The following PERP variants were observed in gnomAD, a reference collection of about 807,000 sequenced individuals.
PERP encodes p53 apoptosis effector related to PMP-22.
A neutral mutation model predicts 20.3 loss-of-function variants in PERP; 11 were observed. The ratio of observed to expected loss-of-function variants is 0.54; its 90% CI spans 0.34 to 0.90. The LOEUF is 0.90. PERP is among the 40% of genes least tolerant of loss of function. The pLI is 0.02. For missense variants in PERP, 224 were observed against 249.4 expected (o/e 0.90, Z 0.69); for synonymous variants, 101 against 102.0 (o/e 0.99, Z 0.06).
At position 138,107,416 on chromosome 6, in the gene PERP, G is replaced by A; in HGVS notation, c.-76C>T. 10 of 1,218,638 alleles carry A rather than the reference G, an allele frequency of 8.2e-6. No individual in the cohort carries two copies. The highest frequency in any genetic ancestry group is 2.4e-5 in the South Asian group (1 of 41,646). 75.5% of individuals were successfully genotyped at this position (1,218,638 alleles called of 1,614,324 possible). ...AGCGCGCGGGACGGGCGACAGCAGA[G>A]AGTGGCCTGCGAGCGCGGGCGCCGC... On this transcript the variant is annotated 5_prime_UTR_variant, in exon 1 of 3. Coordinates refer to ENST00000421351, the MANE Select transcript of PERP (RefSeq NM_022121.5). This position sits in a 1 kb window ranked among gnomAD's most constrained non-coding sequence, Gnocchi z 4.8.
rs746907383 is a variant in PERP at position 138,107,103 on chromosome 6, A to ACGG, written c.214+21_214+23dup. The ACGG allele has an allele frequency of 4.5e-6, 7 of 1,572,610 alleles. No individual in the cohort carries two copies. The highest frequency in any genetic ancestry group is 2.7e-5 in the African/African-American group (2 of 73,450). On this transcript the variant is annotated intron_variant, in intron 1 of 2. Coordinates refer to ENST00000421351, the MANE Select transcript of PERP (RefSeq NM_022121.5). The surrounding 1 kb of genome is among the most constrained non-coding windows in gnomAD (Gnocchi z 4.8). Reference sequence around the variant, plus strand: ...CCCCGAGGGCTTCCTGGAGGCGGCGACGGCGGCGGCGGCGGGCACTCACCG... The same window carrying ACGG: ...CCCCGAGGGCTTCCTGGAGGCGGCGACGGCGGCGGCGGCGGCGGGCACTCACCG...
chr6:138,102,546 A>C (rs1287485796), intron 1 of PERP, among the ~76,000 whole-genome samples: 1 of 152,182 alleles, frequency 6.6e-6, no homozygotes, highest in Non-Finnish European at 1.5e-5. Flanking sequence ...CCTTCTAATT[A>C]TAACATCCCA....
chr6:138,095,684 A>G (rs747483875), intron 2 of PERP, among the ~76,000 whole-genome samples: 2 of 152,104 alleles, frequency 1.3e-5, no homozygotes, highest in African/African-American at 2.4e-5. Context: ...TGCCCCTTTG[A>G]CAGATTTCCT....
intron 2 of PERP, among the ~76,000 whole-genome samples, chr6:138,095,786 G>A (rs566334480): frequency 6.6e-6 from 1 of 152,134 alleles, no homozygotes; most frequent in Non-Finnish European, 1.5e-5. Flanking sequence ...ACTGGGCCCT[G>A]CACACCTGAA....
chr6:138,105,591 C>G (rs1775829379), intron 1 of PERP, among the ~76,000 whole-genome samples: 1 of 152,212 alleles, frequency 6.6e-6, no homozygotes, highest in Non-Finnish European at 1.5e-5. Context: ...TAGCACTGAT[C>G]ATAGTTCTGC....
At chr6:138,095,805 T>C (rs146999334) in intron 2 of PERP, among the ~76,000 whole-genome samples, 1 of 152,328 alleles carries the variant, frequency 6.6e-6, no homozygotes, top group African/African-American at 2.4e-5. Flanking sequence ...AATAACTAAA[T>C]TTCTTCACAT....
At chr6:138,103,399 G>A (rs1245484957) in intron 1 of PERP, among the ~76,000 whole-genome samples, 1 of 151,936 alleles carries the variant, frequency 6.6e-6, no homozygotes, top group Non-Finnish European at 1.5e-5. Context: ...TGATCTGCCC[G>A]CCTCGGCCTC....
chr6:138,098,070 A>G (rs2327871), intron 1 of PERP, among the ~76,000 whole-genome samples: 54,578 of 152,068 alleles, frequency 0.36, 10,244 homozygotes, highest in East Asian at 0.7. Flanking sequence ...TATAGCATCA[A>G]TCAATACTTC....
At chr6:138,102,387 C>A (rs992219202) in intron 1 of PERP, among the ~76,000 whole-genome samples, 1 of 152,192 alleles carries the variant, frequency 6.6e-6, no homozygotes, top group Non-Finnish European at 1.5e-5. Flanking sequence ...AGGAATTACA[C>A]AGCTCTGTCA....
At chr6:138,099,699 T>G (rs1775744711) in intron 1 of PERP, among the ~76,000 whole-genome samples, 1 of 152,322 alleles carries the variant, frequency 6.6e-6, no homozygotes, top group East Asian at 1.9e-4. Flanking sequence ...CATAAAAAGA[T>G]TATTACTATT....
Position 138,089,916 on chromosome 6 carries a change from A to C in PERP, c.*2126T>G, listed in dbSNP as rs1171194748. 1 of 152,196 alleles carries C rather than the reference A, an allele frequency of 6.6e-6. No individual in the cohort carries two copies. The highest frequency in any genetic ancestry group is 1.9e-4 in the East Asian group (1 of 5,196). The allele number at this position is 152,196 out of a possible 1,614,324, so 9.4% of individuals were successfully genotyped here. The stretch of plus-strand genomic sequence containing the variant: ...TATTGTGTGATTGAGGAGGGGAAGA[A>C]GGCTGGATGGGAAATCATGCAAAGA... On this transcript the variant is annotated 3_prime_UTR_variant, in exon 3 of 3. Transcript: ENST00000421351.
In PERP at chr6:138,107,111, G is replaced by C; in HGVS notation, c.214+16C>G. ...GCTTCCTGGAGGCGGCGACGGCGGC[G>C]GCGGCGGGCACTCACCGTACTCCAT... On this transcript the variant is annotated intron_variant, in intron 1 of 2. Coordinates refer to ENST00000421351, the MANE Select transcript of PERP (RefSeq NM_022121.5). This position sits in a 1 kb window ranked among gnomAD's most constrained non-coding sequence, Gnocchi z 4.8. The C allele has an allele frequency of 7.0e-6, 11 of 1,576,480 alleles. No homozygotes were observed. Among genetic ancestry groups the C allele is most frequent in the Non-Finnish European group, 8.6e-6 (10 of 1,162,626 alleles).
At chr6:138,094,456 A>G (rs1317472432) in intron 2 of PERP, among the ~76,000 whole-genome samples, 1 of 152,194 alleles carries the variant, frequency 6.6e-6, no homozygotes, top group Non-Finnish European at 1.5e-5. Context: ...GTTGTAGCAT[A>G]TATCAAAATT....
Position 138,089,867 on chromosome 6 carries a change from T to C in PERP, c.*2175A>G, listed in dbSNP as rs1299364228. The C allele has an allele frequency of 6.6e-6, 1 of 152,198 alleles. No homozygotes were observed. The highest frequency in any genetic ancestry group is 1.9e-4 in the East Asian group (1 of 5,202). The allele number at this position is 152,198 out of a possible 1,614,324, so 9.4% of individuals were successfully genotyped here. Reference sequence around the variant, plus strand: ...CTCGTTGGTCCCAGGAGGTTGCATTTTTCCTAAATGTGCGCCGTTAAGGTA... The same window carrying C: ...CTCGTTGGTCCCAGGAGGTTGCATTCTTCCTAAATGTGCGCCGTTAAGGTA... On this transcript the variant is annotated 3_prime_UTR_variant, in exon 3 of 3. Coordinates refer to ENST00000421351, the MANE Select transcript of PERP (RefSeq NM_022121.5).
intron 2 of PERP, among the ~76,000 whole-genome samples, chr6:138,092,856 A>G (rs651662): frequency 0.54 from 81,548 of 151,862 alleles, 22,358 homozygotes; most frequent in South Asian, 0.75. Context: ...GAGGACGCGG[A>G]AATCTGAAGA....
chr6:138,096,166 G>A (rs925325698), intron 2 of PERP, among the ~76,000 whole-genome samples, 188 bp downstream of exon 2: 3 of 152,196 alleles, frequency 2.0e-5, no homozygotes, highest in Admixed American at 2.0e-4. Context: ...AACACTGCGT[G>A]AGCCACAAGA....
At chr6:138,092,782 A>G (rs1775610562) in intron 2 of PERP, among the ~76,000 whole-genome samples, 5 of 152,194 alleles carry the variant, frequency 3.3e-5, no homozygotes, top group Admixed American at 3.3e-4. Flanking sequence ...TAAGTAAATG[A>G]CTAAATGAAA....
chr6:138,103,963 C>T lies in PERP; in HGVS notation c.214+3164G>A, dbSNP rs75670481. On this transcript the variant is annotated intron_variant, in intron 1 of 2. Transcript: ENST00000421351. Reference sequence around the variant, plus strand: ...CTTTGGTTAAAAAACAACAAAAAACCGGAGGCTTTGTACTTCCCAGTTTGG... The same window carrying T: ...CTTTGGTTAAAAAACAACAAAAAACTGGAGGCTTTGTACTTCCCAGTTTGG... Among the ~76,000 whole-genome samples, 524 of 152,196 alleles carry T rather than the reference C, an allele frequency of 3.4e-3. 3 individuals carry two copies. Among genetic ancestry groups the T allele is most frequent in the African/African-American group, 0.012 (489 of 41,538 alleles).
chr6:138,093,262 T>C (rs1775618708), intron 2 of PERP, among the ~76,000 whole-genome samples: 1 of 152,212 alleles, frequency 6.6e-6, no homozygotes, highest in Non-Finnish European at 1.5e-5. Context: ...AGGGACCAAG[T>C]AGCTGTGCCC....
Sources: allele counts gnomAD v4.1 joint callset (sites outside exome capture counted in the v4.1 genomes callset), GRCh38; gene constraint gnomAD v4.1.1; non-coding constraint Gnocchi (gnomAD v3.1); transcripts MANE v1.5; gene names NCBI Gene and HGNC (gene_info 2026-07-23, HGNC 2026-07-21).